The following RAB2B variants were observed in gnomAD, a reference collection of about 807,000 sequenced individuals.
RAB2B encodes RAB2B, member RAS oncogene family, also known as ras-related protein Rab-2B.
In RAB2B, 20 loss-of-function variants were observed where a neutral mutation model predicts 29.8. The ratio of observed to expected loss-of-function variants is 0.67; its 90% CI spans 0.47 to 0.97. The LOEUF (loss-of-function observed/expected upper bound fraction) is 0.97, where lower values mean the gene tolerates loss of function less well. RAB2B is among the 50% of genes least tolerant of loss of function. RAB2B has a pLI of 0.00. For missense variants in RAB2B, 218 were observed against 272.0 expected, an observed-to-expected ratio of 0.80 and a Z score of 1.40; for synonymous variants, 93 against 91.7, an observed-to-expected ratio of 1.01 and a Z score of -0.08.
chr14:21,476,364 C>T, intron 2 of RAB2B, 164 bp downstream of exon 2: 1 of 686,070 alleles, frequency 1.5e-6, no homozygotes. Context: ...CTACTCCCCA[C>T]ATATCAACGT....
intron 5 of RAB2B, among the ~76,000 whole-genome samples, chr14:21,466,410 C>T (rs546685778): frequency 6.6e-6 from 1 of 152,268 alleles, no homozygotes; most frequent in Non-Finnish European, 1.5e-5. Context: ...TCGCTTGAAC[C>T]CAGGAGGTGG....
At chr14:21,464,761 TG>T (rs1286994094) in intron 5 of RAB2B, among the ~76,000 whole-genome samples, 1 of 151,974 alleles carries the variant, frequency 6.6e-6, no homozygotes, top group Non-Finnish European at 1.5e-5. Flanking sequence ...CCCAGCACTG[TG>T]GGAGGCTGAG....
intron 1 of RAB2B, 66 bp from the exon 2 acceptor site, chr14:21,476,665 C>A (rs1890979227): frequency 3.7e-6 from 6 of 1,613,264 alleles, no homozygotes; most frequent in East Asian, 2.2e-5. Context: ...ATGGACTTCC[C>A]GGACCAGAGA....
intron 1 of RAB2B, 108 bp from the exon 2 acceptor site, chr14:21,476,707 C>T: frequency 1.3e-6 from 2 of 1,596,682 alleles, no homozygotes; most frequent in Non-Finnish European, 8.6e-7. Context: ...CCCCGGCCGC[C>T]CCGAACCGCC....
Position 21,459,061 on chromosome 14 carries a change from T to C in RAB2B, c.*2135A>G, listed in dbSNP as rs1242411344. 3 of 152,510 alleles carry C rather than the reference T, an allele frequency of 2.0e-5. No individual in the cohort carries two copies. The highest frequency in any genetic ancestry group is 4.8e-5 in the African/African-American group (2 of 41,388). 9.4% of individuals were successfully genotyped at this position (152,510 alleles called of 1,614,324 possible). A position where few individuals can be genotyped will look rare whatever the true frequency, so the allele number is the denominator to read the frequency against. On this transcript the variant is annotated 3_prime_UTR_variant, in exon 8 of 8. Transcript: ENST00000397762. ...ATATATTTAATAATGAAACAATTCA[T>C]CAACAGCAAAAAGAAAGTAGAAAAA...
intron 3 of RAB2B, among the ~76,000 whole-genome samples, chr14:21,472,244 A>C (rs944969090): frequency 4.6e-5 from 7 of 152,242 alleles, no homozygotes; most frequent in African/African-American, 1.7e-4. Context: ...TAGCATGATT[A>C]TTTAGGAATA....
At chr14:21,474,623 A>C in intron 3 of RAB2B, 10 of 430,838 alleles carry the variant, frequency 2.3e-5, no homozygotes, top group East Asian at 3.9e-5. Flanking sequence ...TTTCTATTCT[A>C]TAAATTTATA....
intron 5 of RAB2B, 53 bp downstream of exon 5, chr14:21,468,304 T>G (rs1594411626): frequency 7.3e-7 from 1 of 1,365,162 alleles, no homozygotes; most frequent in East Asian, 2.3e-5. Flanking sequence ...TCAATGTGCA[T>G]AGAGTACCTA....
chr14:21,474,670 T>G, intron 3 of RAB2B, 197 bp downstream of exon 3: 4 of 539,960 alleles, frequency 7.4e-6, no homozygotes, highest in Non-Finnish European at 1.3e-5. Context: ...AAACTATTAC[T>G]TGGATCGTTT....
At chr14:21,475,173 T>C (rs1890916432) in intron 2 of RAB2B, among the ~76,000 whole-genome samples, 1 of 152,210 alleles carries the variant, frequency 6.6e-6, no homozygotes, top group African/African-American at 2.4e-5. Context: ...AAAAAGCAGA[T>C]ATGGGAAAAT....
intron 3 of RAB2B, among the ~76,000 whole-genome samples, chr14:21,469,748 T>A (rs962484359): frequency 2.6e-5 from 4 of 152,026 alleles, no homozygotes; most frequent in South Asian, 2.1e-4. Flanking sequence ...AATGGGAGAA[T>A]CATGATTAAG....
At chr14:21,463,003 T>C (rs972714896) in intron 6 of RAB2B, among the ~76,000 whole-genome samples, 3 of 151,942 alleles carry the variant, frequency 2.0e-5, no homozygotes, top group African/African-American at 7.3e-5. Context: ...AAAACAAACA[T>C]ACTCTATTCT....
chr14:21,460,188 G>T lies in RAB2B; in HGVS notation c.*1008C>A, dbSNP rs759899578. On this transcript the variant is annotated 3_prime_UTR_variant, in exon 8 of 8. Transcript: ENST00000397762. The stretch of plus-strand genomic sequence containing the variant: ...AAACTCAATGAAATTCCGAGGCAGA[G>T]GATCTATCAACCAAAGGCCAACTAG... 1 of 518,928 alleles carries T rather than the reference G, an allele frequency of 1.9e-6. No individual in the cohort carries two copies. Among genetic ancestry groups the T allele is most frequent in the South Asian group, 1.4e-5 (1 of 71,594 alleles). 32.1% of individuals were successfully genotyped at this position (518,928 alleles called of 1,614,324 possible). A position where few individuals can be genotyped will look rare whatever the true frequency, so the allele number is the denominator to read the frequency against.
intron 5 of RAB2B, among the ~76,000 whole-genome samples, chr14:21,464,736 G>C (rs1026956705): frequency 1.3e-5 from 2 of 152,182 alleles, no homozygotes; most frequent in African/African-American, 4.8e-5. Context: ...GGGCGTGGTG[G>C]CTCATGCCTA....
At position 21,468,713 on chromosome 14, in the gene RAB2B, A is replaced by G. The variant is rs1463034257; in HGVS notation, c.226T>C (p.Tyr76His). The change falls in exon 4 of 8, where the codon TAC becomes CAC. Residue 76 changes from tyrosine (Y) to histidine (H), a missense_variant. Transcript: ENST00000397762. ...ESFRSITRSY[Y>H]RGAAGALLVY... is the part of the protein sequence containing the mutation. Reference sequence around the variant, plus strand: ...AGCAGTGCTCCAGCTGCTCCCCTGTAGTAGGAACGGGTGATAGAACGGAAG... The same window carrying G: ...AGCAGTGCTCCAGCTGCTCCCCTGTGGTAGGAACGGGTGATAGAACGGAAG... The G allele has an allele frequency of 5.1e-6, 8 of 1,577,562 alleles. No individual in the cohort carries two copies. Among genetic ancestry groups the G allele is most frequent in the East Asian group, 2.2e-5 (1 of 44,606 alleles).
chr14:21,476,280 G>GA (rs1291156147), intron 2 of RAB2B: 4 of 432,584 alleles, frequency 9.2e-6, no homozygotes, highest in Non-Finnish European at 1.7e-5. Flanking sequence ...AATTGTATTT[G>GA]AAAAAAAATT....
intron 3 of RAB2B, among the ~76,000 whole-genome samples, chr14:21,470,006 C>T (rs993931679): frequency 6.9e-6 from 1 of 145,078 alleles, no homozygotes; most frequent in African/African-American, 2.7e-5. Context: ...GGCTGGAGTG[C>T]AGTGGCGCAA....
At chr14:21,474,339 G>A (rs755514420) in intron 3 of RAB2B, among the ~76,000 whole-genome samples, 2 of 152,198 alleles carry the variant, frequency 1.3e-5, no homozygotes, top group South Asian at 4.1e-4. Context: ...AGATCTATAT[G>A]TATTGATATG....
intron 5 of RAB2B, among the ~76,000 whole-genome samples, chr14:21,468,006 C>A: frequency 1.3e-5 from 2 of 150,034 alleles, no homozygotes; most frequent in African/African-American, 4.9e-5. Context: ...CAGTAGTAGT[C>A]AAATTCATAA....
Sources: gnomAD v4.1 joint callset for allele counts (sites outside exome capture counted in the v4.1 genomes callset) on GRCh38, gnomAD v4.1.1 for gene constraint, MANE v1.5 for transcripts, NCBI Gene and HGNC (gene_info 2026-07-23, HGNC 2026-07-21) for gene names.